The following GABRA4 variants were observed in gnomAD, a reference collection of about 807,000 sequenced individuals.
GABRA4 encodes gamma-aminobutyric acid type A receptor subunit alpha4.
A neutral mutation model predicts 49.7 loss-of-function variants in GABRA4; 12 were observed. That is an observed-to-expected ratio of 0.24 (90% confidence interval 0.15 to 0.39). The LOEUF (loss-of-function observed/expected upper bound fraction) is 0.39. Among genes scored for constraint, GABRA4 ranks in the 10% least tolerant of loss-of-function variants. The pLI, the probability that GABRA4 is intolerant of heterozygous loss-of-function variation, is 1.00. For synonymous variants in GABRA4, 288 were observed against 240.2 expected (o/e 1.20, Z -1.84); for missense variants, 506 against 686.0 (o/e 0.74, Z 2.93).
intron 5 of GABRA4, among the ~76,000 whole-genome samples, chr4:46,976,353 T>TAAA (rs1723138556): frequency 8.8e-5 from 1 of 11,310 alleles, no homozygotes. Context: ...CCACCCATTC[T>TAAA]CAAAAAAAAA....
At chr4:46,958,019 C>T (rs1298667326) in intron 8 of GABRA4, among the ~76,000 whole-genome samples, 1 of 151,808 alleles carries the variant, frequency 6.6e-6, no homozygotes, top group Non-Finnish European at 1.5e-5. Context: ...TATATACATG[C>T]ATCATATGTA....
rs1560460336 is a variant in GABRA4 at position 46,928,634 on chromosome 4, T to C, written c.1256A>G (p.Glu419Gly). The C allele has an allele frequency of 1.9e-6, 3 of 1,613,578 alleles. No homozygotes were observed. The highest frequency in any genetic ancestry group is 1.1e-5 in the South Asian group (1 of 91,076). The stretch of plus-strand genomic sequence containing the variant: ...AGACCGAGGTGTGCCTTTAGAAGAT[T>C]CTTGAACAACTGTGGAAGATTTGCT... The part of the protein sequence containing the change: ...HSSKSSTVVQ[E>G]SSKGTPRSYL... Residue 419 changes from glutamate to glycine, a missense_variant, in exon 9 of 9, where the codon GAA becomes GGA. Transcript: ENST00000264318.
intron 8 of GABRA4, among the ~76,000 whole-genome samples, chr4:46,955,250 C>T (rs1473667482): frequency 1.3e-5 from 2 of 152,154 alleles, no homozygotes; most frequent in East Asian, 3.9e-4. Flanking sequence ...TTACTCCCTC[C>T]TTGATCACCA....
chr4:46,935,701 G>A (rs1488405044), intron 8 of GABRA4, among the ~76,000 whole-genome samples: 1 of 152,096 alleles, frequency 6.6e-6, no homozygotes, highest in African/African-American at 2.4e-5. Context: ...ATAGCATTGG[G>A]AGAAATGTCT....
At chr4:46,966,517 G>C (rs577800501) in intron 7 of GABRA4, among the ~76,000 whole-genome samples, 1 of 151,822 alleles carries the variant, frequency 6.6e-6, no homozygotes, top group Admixed American at 6.6e-5. Flanking sequence ...TGATACAGGT[G>C]TGTAATCCTC....
Position 46,928,669 on chromosome 4 carries a change from T to G in GABRA4, c.1221A>C (p.Gly407=). Residue 407 remains glycine (G), a synonymous_variant, in exon 9 of 9, where the codon GGA becomes GGC. Transcript: ENST00000264318. Reference sequence around the variant, plus strand: ...CTGTGGAAGATTTGCTTGAATGGTTTCCCACCTCAGTTCTGTTGCCAACAT... The same window carrying G: ...CTGTGGAAGATTTGCTTGAATGGTTGCCCACCTCAGTTCTGTTGCCAACAT... ...ESDVGNRTEV[G]NHSSKSSTVV... 1.9e-6 allele frequency: 3 copies of G among 1,613,546 alleles called. No individual in the cohort carries two copies. Among genetic ancestry groups the G allele is most frequent in the Non-Finnish European group, 2.5e-6 (3 of 1,179,636 alleles).
At chr4:46,971,414 C>T (rs1008644783) in intron 6 of GABRA4, among the ~76,000 whole-genome samples, 179 bp from the exon 7 acceptor site, 6 of 151,384 alleles carry the variant, frequency 4.0e-5, no homozygotes, top group Admixed American at 1.3e-4. Context: ...TGATATTGAA[C>T]GTTATTATAC....
chr4:46,940,032 T>C (rs1029764125), intron 8 of GABRA4, among the ~76,000 whole-genome samples: 1 of 152,076 alleles, frequency 6.6e-6, no homozygotes, highest in Non-Finnish European at 1.5e-5. Context: ...GCAATCTAGC[T>C]GAGCAAAGTT....
chr4:46,933,344 C>A (rs1721506217), intron 8 of GABRA4, among the ~76,000 whole-genome samples: 1 of 152,056 alleles, frequency 6.6e-6, no homozygotes, highest in African/African-American at 2.4e-5. Context: ...TTTATTATTT[C>A]TTTTTCTATG....
chr4:46,960,366 G>A (rs1370022863), intron 8 of GABRA4, among the ~76,000 whole-genome samples: 1 of 151,458 alleles, frequency 6.6e-6, no homozygotes, highest in African/African-American at 2.4e-5. Context: ...CTTGGTATTT[G>A]AAAAATCAAG....
At position 46,928,478 on chromosome 4, in the gene GABRA4, C is replaced by T; in HGVS notation, c.1412G>A (p.Gly471Glu). 2 of 1,613,584 alleles carry T rather than the reference C, an allele frequency of 1.2e-6. No homozygotes were observed. The highest frequency in any genetic ancestry group is 1.3e-5 in the African/African-American group (1 of 75,000). ...AAACACGTGACGAGTAGAAGCAGAT[C>T]CAACTGAAGCCTTTCGAGGCATATA... Reference protein sequence around the residue: ...TGYMPRKASVGSASTRHVFGS... With the variant: ...TGYMPRKASVESASTRHVFGS... Residue 471 changes from glycine to glutamate, a missense_variant, in exon 9 of 9, where the codon GGA becomes GAA. Gly to Glu is a moderately conservative substitution (Grantham distance 98). Coordinates refer to ENST00000264318, the MANE Select transcript of GABRA4 (RefSeq NM_000809.4).
chr4:46,969,223 C>T (rs1722867045), intron 7 of GABRA4, among the ~76,000 whole-genome samples: 3 of 151,194 alleles, frequency 2.0e-5, no homozygotes, highest in Non-Finnish European at 4.4e-5. Context: ...TATGATGGAT[C>T]GTTAATTGCT....
rs908565013 is a variant in GABRA4, at chr4:46,927,056, G to A, written c.*1169C>T. The stretch of plus-strand genomic sequence containing the variant: ...TAGATCTATCTTGGGGAAAGCACCT[G>A]AAAAAGCCTGTGCTCAGTTCCTATG... On this transcript the variant is annotated 3_prime_UTR_variant, in exon 9 of 9. Transcript: ENST00000264318. The A allele has an allele frequency of 2.6e-5, 4 of 151,942 alleles. No individual in the cohort carries two copies. Among genetic ancestry groups the A allele is most frequent in the Non-Finnish European group, 4.4e-5 (3 of 67,906 alleles). The allele number at this position is 151,942 out of a possible 1,614,324, so 9.4% of individuals were successfully genotyped here. A position where few individuals can be genotyped will look rare whatever the true frequency, so the allele number is the denominator to read the frequency against.
rs912684561 is a variant in GABRA4 at position 46,920,923 on chromosome 4, G to A, written c.*7302C>T. ...TCTGTCATAGCTTGAGGTATCTGAT[G>A]ACATTTCAAATACATTTGTGTAATT... On this transcript the variant is annotated 3_prime_UTR_variant, in exon 9 of 9. Transcript: ENST00000264318. 6.6e-6 allele frequency: 1 copy of A among 151,754 alleles called. No individual in the cohort carries two copies. The highest frequency in any genetic ancestry group is 1.5e-5 in the Non-Finnish European group (1 of 67,748). The allele number at this position is 151,754 out of a possible 1,614,324, so 9.4% of individuals were successfully genotyped here. A position where few individuals can be genotyped will look rare whatever the true frequency, so the allele number is the denominator to read the frequency against.
chr4:46,944,122 G>T (rs1049096449), intron 8 of GABRA4, among the ~76,000 whole-genome samples: 1 of 152,066 alleles, frequency 6.6e-6, no homozygotes, highest in African/African-American at 2.4e-5. Context: ...GAAAGTAAAC[G>T]TTAAATATTC....
intron 2 of GABRA4, among the ~76,000 whole-genome samples, chr4:46,989,481 C>T (rs1460368264): frequency 1.3e-5 from 2 of 152,210 alleles, no homozygotes; most frequent in Admixed American, 6.5e-5. Context: ...CCTCTCTTCT[C>T]GCCTTTTCCC....
chr4:46,984,184 C>T (rs976316564), intron 2 of GABRA4, among the ~76,000 whole-genome samples: 4 of 152,090 alleles, frequency 2.6e-5, no homozygotes, highest in Admixed American at 1.3e-4. Context: ...TGAAACTAGT[C>T]CATCCTCATT....
intron 8 of GABRA4, among the ~76,000 whole-genome samples, chr4:46,932,566 C>T (rs914580901): frequency 6.6e-6 from 1 of 152,120 alleles, no homozygotes; most frequent in African/African-American, 2.4e-5. Context: ...AACAAGCCCA[C>T]TCAAGGATTA....
In GABRA4 at chr4:46,974,449, C is replaced by G. The variant is rs1560479601; in HGVS notation, c.578-74G>C. 7 of 1,355,886 alleles carry G rather than the reference C, an allele frequency of 5.2e-6. No individual in the cohort carries two copies. The East Asian group carries it at 1.2e-4, about 23-fold the overall frequency. 84.0% of individuals were successfully genotyped at this position (1,355,886 alleles called of 1,614,324 possible). ...CACATCAGTGGTCAACACTTAAAAA[C>G]AGTACTTGTTCAAGAAAGATGGAAT... On this transcript the variant is annotated intron_variant, in intron 5 of 8. Coordinates refer to ENST00000264318, the MANE Select transcript of GABRA4 (RefSeq NM_000809.4).
Sources: allele counts gnomAD v4.1 joint callset (sites outside exome capture counted in the v4.1 genomes callset), GRCh38; gene constraint gnomAD v4.1.1; transcripts MANE v1.5; gene names NCBI Gene and HGNC (gene_info 2026-07-23, HGNC 2026-07-21).